Variants in TMEM132D observed in about 807,000 individuals in gnomAD.
TMEM132D encodes mature OL transmembrane protein.
A neutral mutation model predicts 62.3 loss-of-function variants in TMEM132D; 21 were observed. The ratio of observed to expected loss-of-function variants is 0.34; its 90% CI spans 0.24 to 0.49. The LOEUF is 0.49. TMEM132D is among the 20% of genes least tolerant of loss of function. The probability of loss-of-function intolerance (pLI) is 0.99; values close to 1 mark genes in which losing one functional copy is unlikely to be tolerated. For synonymous variants in TMEM132D, 621 were observed against 575.6 expected (o/e 1.08, Z -1.13); for missense variants, 1,346 against 1,402.8 (o/e 0.96, Z 0.65).
At chr12:129,123,248 T>G (rs942871285) in intron 5 of TMEM132D, among the ~76,000 whole-genome samples, 2 of 152,234 alleles carry the variant, frequency 1.3e-5, no homozygotes, top group African/African-American at 4.8e-5. Flanking sequence ...AAGCTGTTAC[T>G]TAATAAAGAC....
chr12:129,891,693 A>G (rs1325955106), intron 1 of TMEM132D, among the ~76,000 whole-genome samples: 1 of 152,224 alleles, frequency 6.6e-6, no homozygotes, highest in African/African-American at 2.4e-5. Context: ...TATTTCTTAT[A>G]ATAGTAGAAA....
intron 4 of TMEM132D, among the ~76,000 whole-genome samples, chr12:129,257,627 T>A (rs1489077955): frequency 1.3e-5 from 2 of 152,150 alleles, no homozygotes; most frequent in Non-Finnish European, 2.9e-5. Flanking sequence ...TGTGACTCAG[T>A]CCTGGCCAGT....
chr12:129,682,209 A>C (rs1880794976), intron 2 of TMEM132D, among the ~76,000 whole-genome samples: 1 of 152,236 alleles, frequency 6.6e-6, no homozygotes, highest in Non-Finnish European at 1.5e-5. Flanking sequence ...TTCACATTTC[A>C]GCTGGTCCCT....
chr12:129,451,790 C>CA lies in TMEM132D; in HGVS notation c.1115+79268dup, dbSNP rs556800354. 5.8e-4 allele frequency among the ~76,000 whole-genome samples: 88 copies of CA among 152,250 alleles called. No homozygotes were observed. The South Asian group carries it at 0.018, about 31-fold the overall frequency. On this transcript the variant is annotated intron_variant, in intron 3 of 8. Transcript: ENST00000422113. Reference sequence around the variant, plus strand: ...AAGGGCAAAGGCAGAAAGAGTATGCCACTGAAAACTATCCCTCTAGAAGCC... The same window carrying CA: ...AAGGGCAAAGGCAGAAAGAGTATGCCAACTGAAAACTATCCCTCTAGAAGCC...
chr12:129,441,715 T>C (rs1872940984), intron 3 of TMEM132D, among the ~76,000 whole-genome samples: 1 of 152,130 alleles, frequency 6.6e-6, no homozygotes, highest in Non-Finnish European at 1.5e-5. Context: ...CTATTCATAA[T>C]AGCAGCTACG....
chr12:129,605,604 T>TATATATATATATATATATATATATACAC (rs150550863), intron 2 of TMEM132D, among the ~76,000 whole-genome samples: 161 of 106,194 alleles, frequency 1.5e-3, no homozygotes, highest in African/African-American at 5.7e-3. Context: ...TATATATATA[T>TATATATATATATATATATATATATACAC]ACACACACAT....
intron 4 of TMEM132D, among the ~76,000 whole-genome samples, chr12:129,292,610 C>G (rs1222399054): frequency 1.3e-5 from 2 of 152,180 alleles, no homozygotes; most frequent in East Asian, 3.8e-4. Context: ...TATCCTGCCA[C>G]CTATTATTGT....
intron 5 of TMEM132D, among the ~76,000 whole-genome samples, chr12:129,086,196 G>GCA (rs757449176): frequency 0.022 from 2,424 of 111,616 alleles, 35 homozygotes; most frequent in Non-Finnish European, 0.032. Flanking sequence ...ATAGTCACGC[G>GCA]CGCGCGTGTG....
chr12:129,815,592 C>A (rs910451263), intron 1 of TMEM132D, among the ~76,000 whole-genome samples: 11 of 152,182 alleles, frequency 7.2e-5, no homozygotes, highest in Admixed American at 4.6e-4. Context: ...GCAAGCACAT[C>A]TTTTCAATTA....
At chr12:129,637,373 C>T (rs138027840) in intron 2 of TMEM132D, among the ~76,000 whole-genome samples, 1 of 152,284 alleles carries the variant, frequency 6.6e-6, no homozygotes, top group East Asian at 1.9e-4. Context: ...CCCTAATCAG[C>T]TCTCATGTTG....
chr12:129,626,996 A>C (rs1029060937), intron 2 of TMEM132D, among the ~76,000 whole-genome samples: 7 of 152,146 alleles, frequency 4.6e-5, no homozygotes, highest in Non-Finnish European at 5.9e-5. Context: ...AAAAAGGAGG[A>C]CGATATGCAA....
chr12:129,690,661 G>A (rs67487308), intron 2 of TMEM132D, among the ~76,000 whole-genome samples: 32,297 of 152,010 alleles, frequency 0.21, 3,909 homozygotes, highest in Middle Eastern at 0.28. Context: ...TCCTAAATGC[G>A]TATGCATCTA....
chr12:129,081,983 C>T lies in TMEM132D; in HGVS notation c.1699G>A (p.Gly567Ser), dbSNP rs1414407354. The change falls in exon 7 of 9, where the codon GGC (glycine) becomes AGC (serine). Residue 567 changes from glycine to serine, a missense_variant. Physicochemically the swap from Gly to Ser is moderately conservative, Grantham distance 56. Coordinates refer to ENST00000422113, the MANE Select transcript of TMEM132D (RefSeq NM_133448.3). ...GCGTGCTGGTACTGCAGGGTGCAGC[C>T]GCGGCCCCTCCGCTCATCATCCTCC... The part of the protein sequence containing the change: ...EEEDDERRGR[G>S]CTLQYQHAMV... 1.1e-5 allele frequency: 18 copies of T among 1,613,132 alleles called. No individual in the cohort carries two copies. The highest frequency in any genetic ancestry group is 1.7e-5 in the Admixed American group (1 of 59,962).
intron 2 of TMEM132D, among the ~76,000 whole-genome samples, chr12:129,648,192 G>T (rs552027350): frequency 1.8e-4 from 28 of 152,176 alleles, no homozygotes; most frequent in African/African-American, 6.5e-4. Context: ...TTTGGGGTAT[G>T]TTTCAGCCCT....
chr12:129,777,791 AT>A (rs1418816448), intron 1 of TMEM132D, among the ~76,000 whole-genome samples: 1 of 152,192 alleles, frequency 6.6e-6, no homozygotes, highest in Non-Finnish European at 1.5e-5. Context: ...AACAAAAAAA[AT>A]CAAACACAAA....
chr12:129,558,857 C>T (rs1877135012), intron 2 of TMEM132D, among the ~76,000 whole-genome samples: 1 of 152,160 alleles, frequency 6.6e-6, no homozygotes, highest in Non-Finnish European at 1.5e-5. Context: ...CTGAGAAACA[C>T]TGAATGGAGT....
In TMEM132D at chr12:129,587,989, G is replaced by A. The variant is rs536850614; in HGVS notation, c.969-56784C>T. On this transcript the variant is annotated intron_variant, in intron 2 of 8. Coordinates refer to ENST00000422113, the MANE Select transcript of TMEM132D (RefSeq NM_133448.3). ...GACCTGAGCTCCTCCTGGAGACACCGGGGAAGAGCCACTTCCTCACCCTTC... is the reference window on the plus strand; with the variant it reads ...GACCTGAGCTCCTCCTGGAGACACCAGGGAAGAGCCACTTCCTCACCCTTC... Among the ~76,000 whole-genome samples the A allele has an allele frequency of 1.4e-4, 21 of 152,242 alleles. No homozygotes were observed. In the South Asian group the frequency reaches 2.7e-3, roughly 20 times the overall value.
chr12:129,621,301 A>G (rs1246408610), intron 2 of TMEM132D, among the ~76,000 whole-genome samples: 1 of 151,950 alleles, frequency 6.6e-6, no homozygotes, highest in African/African-American at 2.4e-5. Context: ...TTCCTGCCCA[A>G]ACAGCACCCG....
At chr12:129,656,097 TAGAA>T (rs1248468695) in intron 2 of TMEM132D, among the ~76,000 whole-genome samples, 2 of 152,146 alleles carry the variant, frequency 1.3e-5, no homozygotes, top group African/African-American at 2.4e-5. Flanking sequence ...ATTATTCACT[TAGAA>T]AGGCCATAAA....
Sources: gnomAD v4.1 joint callset for allele counts (sites outside exome capture counted in the v4.1 genomes callset) on GRCh38, gnomAD v4.1.1 for gene constraint, MANE v1.5 for transcripts, NCBI Gene and HGNC (gene_info 2026-07-23, HGNC 2026-07-21) for gene names.